Variants in DOCK3 observed in about 807,000 individuals in gnomAD.
DOCK3 encodes dedicator of cytokinesis 3, also known as dedicator of cytokinesis protein 3.
Under a neutral mutation model 265.6 loss-of-function variants are expected in DOCK3, and 60 were observed. The observed-to-expected ratio is 0.23, with a 90% CI of 0.18 to 0.28. The LOEUF is 0.28. Ranked by LOEUF, DOCK3 falls within the 10% of genes least tolerant of loss-of-function variation. The pLI, the probability that DOCK3 is intolerant of heterozygous loss-of-function variation, is 1.00. For missense variants in DOCK3, 1,981 were observed against 2,594.3 expected (o/e 0.76, Z 5.14); for synonymous variants, 881 against 938.0 (o/e 0.94, Z 1.11).
intron 31 of DOCK3, 88 bp downstream of exon 31, chr3:51,312,990 G>T: frequency 7.9e-7 from 1 of 1,267,576 alleles, no homozygotes; most frequent in Non-Finnish European, 1.1e-6. Context: ...CAGGCTTTAT[G>T]AATGTTAATT....
At chr3:51,099,173 A>C (rs189441159) in intron 9 of DOCK3, among the ~76,000 whole-genome samples, 22 of 152,390 alleles carry the variant, frequency 1.4e-4, no homozygotes, top group Admixed American at 1.4e-3. Flanking sequence ...CTGTCTTGAC[A>C]TGCTTCTACA....
In DOCK3 at chr3:51,361,685, A is replaced by G. The variant is rs987056373; in HGVS notation, c.5007-174A>G. On this transcript the variant is annotated intron_variant, in intron 47 of 52. Coordinates refer to ENST00000266037, the MANE Select transcript of DOCK3 (RefSeq NM_004947.5). This position sits in a 1 kb window ranked among gnomAD's most constrained non-coding sequence, Gnocchi z 4.2. ...CCCAGACCAAGGGCTCCTGAGTAGC[A>G]GGGTACAGCTCAGGACTGCTCCAGG... Among the ~76,000 whole-genome samples the G allele has an allele frequency of 3.3e-5, 5 of 152,162 alleles. No homozygotes were observed. Among genetic ancestry groups the G allele is most frequent in the South Asian group, 4.1e-4 (2 of 4,830 alleles).
chr3:51,073,357 T>C (rs2081952876), intron 6 of DOCK3, among the ~76,000 whole-genome samples: 1 of 152,234 alleles, frequency 6.6e-6, no homozygotes, highest in Non-Finnish European at 1.5e-5. Context: ...TTAGAAAGGA[T>C]GTACTGCACC....
intron 2 of DOCK3, among the ~76,000 whole-genome samples, chr3:50,803,908 C>T (rs986953255): frequency 7.3e-5 from 11 of 151,126 alleles, no homozygotes; most frequent in African/African-American, 1.7e-4. Context: ...CTGGAGGGGG[C>T]GGCTGCCGGG....
At chr3:50,836,277 C>T (rs543576897) in intron 2 of DOCK3, among the ~76,000 whole-genome samples, 1 of 152,342 alleles carries the variant, frequency 6.6e-6, no homozygotes, top group South Asian at 2.1e-4. Context: ...AGCAGAGGTT[C>T]TCCATGAGGG....
chr3:50,781,859 T>C (rs1029573397), intron 2 of DOCK3, among the ~76,000 whole-genome samples: 7 of 152,168 alleles, frequency 4.6e-5, no homozygotes, highest in African/African-American at 1.7e-4. Flanking sequence ...AGTTCCCGGT[T>C]GTAAGTGAGA....
intron 4 of DOCK3, among the ~76,000 whole-genome samples, chr3:50,916,502 C>T (rs12492850): frequency 0.071 from 10,739 of 152,118 alleles, 987 homozygotes; most frequent in East Asian, 0.33. Context: ...CTGGCACTCT[C>T]CCTCAGTTAT....
At chr3:51,166,494 G>A (rs978732961) in intron 12 of DOCK3, among the ~76,000 whole-genome samples, 4 of 152,148 alleles carry the variant, frequency 2.6e-5, no homozygotes, top group East Asian at 3.8e-4. Flanking sequence ...CCAGAAGTGC[G>A]ATTGCTGGAT....
At chr3:51,009,375 T>A (rs2078841416) in intron 5 of DOCK3, among the ~76,000 whole-genome samples, 1 of 152,216 alleles carries the variant, frequency 6.6e-6, no homozygotes, top group South Asian at 2.1e-4. Flanking sequence ...AATTTATCCA[T>A]TTCTTCTAGA....
intron 1 of DOCK3, among the ~76,000 whole-genome samples, chr3:50,676,040 C>T (rs2033933736): frequency 1.3e-5 from 2 of 152,172 alleles, no homozygotes; most frequent in East Asian, 1.9e-4. Context: ...GAATGTTTTA[C>T]AATGTTAGTG....
chr3:50,788,255 G>T, intron 2 of DOCK3: 3 of 661,418 alleles, frequency 4.5e-6, no homozygotes, highest in East Asian at 4.3e-5. Flanking sequence ...TTTTCAACCA[G>T]CTCCTGACGA....
At chr3:50,751,797 T>TAC (rs1227691807) in intron 1 of DOCK3, among the ~76,000 whole-genome samples, 1 of 152,158 alleles carries the variant, frequency 6.6e-6, no homozygotes, top group Admixed American at 6.6e-5. Context: ...TTAGGAAACT[T>TAC]ACAGTCATGG....
At chr3:50,787,579 G>T in intron 2 of DOCK3, 1 of 984,316 alleles carries the variant, frequency 1.0e-6, no homozygotes, top group Non-Finnish European at 1.5e-6. Context: ...GTCACACTTA[G>T]CTTTCTGCAC....
chr3:51,017,641 A>C lies in DOCK3; in HGVS notation c.316-46807A>C, dbSNP rs568130750. ...CTTTTCATTCAGGAGCATATTGTTT[A>C]ATTTTCATGTGTTTGTATAGTTTCC... On this transcript the variant is annotated intron_variant, in intron 5 of 52. Transcript: ENST00000266037. Among the ~76,000 whole-genome samples the C allele has an allele frequency of 5.9e-5, 9 of 151,806 alleles. No individual in the cohort carries two copies. In the East Asian group the frequency reaches 1.7e-3, roughly 29 times the overall value.
intron 40 of DOCK3, 81 bp from the exon 41 acceptor site, chr3:51,354,801 A>G (rs1336582804): frequency 1.3e-6 from 2 of 1,553,462 alleles, no homozygotes; most frequent in African/African-American, 2.7e-5. Flanking sequence ...TGTTTGTGCT[A>G]TATGTAGCTA....
At chr3:50,908,197 CT>C (rs550837883) in intron 4 of DOCK3, among the ~76,000 whole-genome samples, 11,464 of 114,222 alleles carry the variant, frequency 0.1, 523 homozygotes, top group Non-Finnish European at 0.13. Context: ...TTTTGAAGGG[CT>C]TTTTTTTTTT....
intron 2 of DOCK3, among the ~76,000 whole-genome samples, chr3:50,840,331 G>T (rs2045758871): frequency 6.6e-6 from 1 of 152,120 alleles, no homozygotes; most frequent in Non-Finnish European, 1.5e-5. Context: ...TGTGTTGTTG[G>T]AGTTTTATAG....
chr3:51,372,501 C>G (rs773286425), intron 49 of DOCK3, among the ~76,000 whole-genome samples: 1 of 152,196 alleles, frequency 6.6e-6, no homozygotes, highest in African/African-American at 2.4e-5. Context: ...AGCCTTCAGG[C>G]TGCTATATCT....
intron 1 of DOCK3, among the ~76,000 whole-genome samples, chr3:50,715,935 C>T (rs913878453): frequency 2.0e-5 from 3 of 152,004 alleles, no homozygotes; most frequent in Admixed American, 2.0e-4. Flanking sequence ...TTCTTTCCGT[C>T]AGCTGTGATT....
Sources: allele counts gnomAD v4.1 joint callset (sites outside exome capture counted in the v4.1 genomes callset), GRCh38; gene constraint gnomAD v4.1.1; non-coding constraint Gnocchi (gnomAD v3.1); transcripts MANE v1.5; gene names NCBI Gene and HGNC (gene_info 2026-07-23, HGNC 2026-07-21).